Variants in GAB4 observed in about 807,000 individuals in gnomAD.
The protein encoded by GAB4 is GRB2 associated binding protein family member 4, also known as GRB2-associated-binding protein 4.
GAB4 carries 26 observed loss-of-function variants against 51.3 expected under a neutral mutation model. That is an observed-to-expected ratio of 0.51 (90% CI 0.37 to 0.70). The LOEUF (loss-of-function observed/expected upper bound fraction) is 0.70, where lower values mean the gene tolerates loss of function less well. Ranked by LOEUF, GAB4 falls within the 30% of genes least tolerant of loss-of-function variation. The pLI, the probability that GAB4 is intolerant of heterozygous loss-of-function variation, is 0.00. For missense variants in GAB4, 759 were observed against 734.6 expected (o/e 1.03, Z -0.38); for synonymous variants, 329 against 291.2 (o/e 1.13, Z -1.32).
chr22:16,977,096 G>C (rs1052993177), intron 3 of GAB4, among the ~76,000 whole-genome samples: 1 of 152,160 alleles, frequency 6.6e-6, no homozygotes, highest in African/African-American at 2.4e-5. Context: ...ATCAATGCTA[G>C]GAAGAAACTG....
Position 16,966,256 on chromosome 22 carries a change from C to G in GAB4, c.1132G>C (p.Asp378His), listed in dbSNP as rs768643254. ...TLPAVKQAGD[D>H]SQGVCIPVGS... ...ACAGGGATGCAGACACCCTGGGAAT[C>G]ATCGCCTGCTTGCTTCACAGCCGGC... The change falls in exon 6 of 10, where the codon GAT becomes CAT. Residue 378 changes from aspartate (D) to histidine (H), a missense_variant. This residue lies in a region of GAB4 where 588 missense variants were observed against 510.2 expected (regional missense o/e 1.15). Transcript: ENST00000400588. 9 of 1,613,902 alleles carry G rather than the reference C, an allele frequency of 5.6e-6. No individual in the cohort carries two copies. Among genetic ancestry groups the G allele is most frequent in the Non-Finnish European group, 7.6e-6 (9 of 1,180,032 alleles).
chr22:17,002,690 G>T (rs1242121026), intron 1 of GAB4, among the ~76,000 whole-genome samples: 14 of 152,126 alleles, frequency 9.2e-5, no homozygotes, highest in Non-Finnish European at 8.8e-5. Context: ...TGGGGGCGAG[G>T]GGGGAGGGAT....
intron 2 of GAB4, among the ~76,000 whole-genome samples, chr22:16,990,207 A>G (rs1293359004): frequency 1.3e-5 from 2 of 151,740 alleles, no homozygotes; most frequent in Non-Finnish European, 2.9e-5. Flanking sequence ...TTCTAAAACC[A>G]TATTTCTGTT....
chr22:16,974,147 C>G (rs376982650), intron 3 of GAB4, among the ~76,000 whole-genome samples: 1 of 152,210 alleles, frequency 6.6e-6, no homozygotes, highest in African/African-American at 2.4e-5. Context: ...TCTGAGGACT[C>G]CATTACTGCC....
intron 1 of GAB4, among the ~76,000 whole-genome samples, chr22:16,993,913 C>T (rs977797942): frequency 3.9e-5 from 6 of 152,186 alleles, no homozygotes; most frequent in African/African-American, 1.2e-4. Context: ...TGGACCTTGT[C>T]ACTGGGGAAC....
At chr22:16,965,646 T>A (rs572353103) in intron 6 of GAB4, among the ~76,000 whole-genome samples, 1 of 152,324 alleles carries the variant, frequency 6.6e-6, no homozygotes, top group South Asian at 2.1e-4. Flanking sequence ...CAGGGCTGTG[T>A]AGCCCACCAT....
chr22:16,986,132 C>G (rs2060865124), intron 3 of GAB4, among the ~76,000 whole-genome samples: 1 of 152,202 alleles, frequency 6.6e-6, no homozygotes, highest in African/African-American at 2.4e-5. Context: ...TCAGCTGTGT[C>G]ATGGGAGTAC....
chr22:16,996,364 AC>A (rs2060949118), intron 1 of GAB4, among the ~76,000 whole-genome samples: 1 of 152,150 alleles, frequency 6.6e-6, no homozygotes, highest in Non-Finnish European at 1.5e-5. Context: ...GGAGAATGGA[AC>A]CAAATTGGAA....
In GAB4 at chr22:16,966,283, G is replaced by T. The variant is rs146770232; in HGVS notation, c.1105C>A (p.Leu369Met). The T allele has an allele frequency of 1.2e-6, 2 of 1,613,914 alleles. No individual in the cohort carries two copies. Among genetic ancestry groups the T allele is most frequent in the Non-Finnish European group, 1.7e-6 (2 of 1,179,980 alleles). Residue 369 changes from leucine (L) to methionine (M), a missense_variant, in exon 6 of 10, where the codon CTG becomes ATG. By Grantham distance (15) the Leu-to-Met change is conservative. Around this residue, in one of 3 missense-constraint regions of GAB4, gnomAD observed 588 missense variants for 510.2 expected, o/e 1.15. Transcript: ENST00000400588. ...TCGCCTGCTTGCTTCACAGCCGGCA[G>T]GGTAGGGGAGCCTGGGTTCATGGGC... is the stretch of plus-strand genomic sequence containing the variant. ...CVPMNPGSPT[L>M]PAVKQAGDDS...
At chr22:16,972,249 C>T (rs754977289) in intron 3 of GAB4, among the ~76,000 whole-genome samples, 2 of 152,220 alleles carry the variant, frequency 1.3e-5, no homozygotes, top group Non-Finnish European at 1.5e-5. Flanking sequence ...GTGGGATGAG[C>T]ACACGGCTGC....
At chr22:16,977,826 A>G (rs1601261518) in intron 3 of GAB4, among the ~76,000 whole-genome samples, 3 of 152,210 alleles carry the variant, frequency 2.0e-5, no homozygotes, top group Admixed American at 2.0e-4. Flanking sequence ...CATAACAAAC[A>G]GTCTCTCAGA....
chr22:16,966,269 C>A lies in GAB4; in HGVS notation c.1119G>T (p.Lys373Asn). The A allele has an allele frequency of 1.2e-6, 2 of 1,613,936 alleles. No homozygotes were observed. Among genetic ancestry groups the A allele is most frequent in the Non-Finnish European group, 1.7e-6 (2 of 1,179,980 alleles). Residue 373 changes from lysine (K) to asparagine (N), a missense_variant, in exon 6 of 10, where the codon AAG becomes AAT. Coordinates refer to ENST00000400588, the MANE Select transcript of GAB4 (RefSeq NM_001037814.1). ...NPGSPTLPAV[K>N]QAGDDSQGVC... ...CACCCTGGGAATCATCGCCTGCTTG[C>A]TTCACAGCCGGCAGGGTAGGGGAGC...
At chr22:16,978,352 C>T (rs2060797844) in intron 3 of GAB4, among the ~76,000 whole-genome samples, 1 of 152,112 alleles carries the variant, frequency 6.6e-6, no homozygotes, top group Non-Finnish European at 1.5e-5. Context: ...AAGTGGATAT[C>T]ACCACCGACC....
intron 1 of GAB4, among the ~76,000 whole-genome samples, chr22:16,997,666 T>A (rs1163782346): frequency 6.6e-6 from 1 of 152,246 alleles, no homozygotes; most frequent in Non-Finnish European, 1.5e-5. Context: ...TTGGCTATTT[T>A]GGCTTTTGTT....
At chr22:16,963,060 G>A (rs2060641983) in intron 9 of GAB4, among the ~76,000 whole-genome samples, 184 bp from the exon 10 acceptor site, 1 of 152,166 alleles carries the variant, frequency 6.6e-6, no homozygotes, top group Non-Finnish European at 1.5e-5. Flanking sequence ...CCTCCTGCTG[G>A]ATGCCATAGC....
intron 4 of GAB4, 92 bp downstream of exon 4, chr22:16,969,851 G>C: frequency 5.5e-6 from 8 of 1,446,420 alleles, no homozygotes; most frequent in South Asian, 2.3e-5. Context: ...GGTGCACTGA[G>C]AGTGGGGTGG....
chr22:16,984,622 T>A lies in GAB4; in HGVS notation c.686+3338A>T, dbSNP rs181318600. Among the ~76,000 whole-genome samples the A allele has an allele frequency of 2.0e-5, 3 of 152,226 alleles. No individual in the cohort carries two copies. In the East Asian group the frequency reaches 5.8e-4, roughly 29 times the overall value. On this transcript the variant is annotated intron_variant, in intron 3 of 9. Coordinates refer to ENST00000400588, the MANE Select transcript of GAB4 (RefSeq NM_001037814.1). ...GCCATAATCCTTGGGAGAATGTTGA[T>A]GTTTTGGTTTCTGCAGGAAATCAAG...
intron 3 of GAB4, among the ~76,000 whole-genome samples, chr22:16,986,642 A>G (rs139653741): frequency 1.1e-4 from 16 of 152,340 alleles, no homozygotes; most frequent in Middle Eastern, 3.4e-3. Context: ...AGCCTGTGCC[A>G]TGCTTTCCAT....
chr22:16,969,797 C>G (rs565729205), intron 4 of GAB4, 146 bp downstream of exon 4: 44 of 1,021,480 alleles, frequency 4.3e-5, no homozygotes, highest in Admixed American at 2.7e-4. Flanking sequence ...TGGCCACCAC[C>G]ATGGCATAGA....
Sources: gnomAD v4.1 joint callset for allele counts (sites outside exome capture counted in the v4.1 genomes callset) on GRCh38, gnomAD v4.1.1 for gene constraint, gnomAD v4.1.1 regional missense constraint, MANE v1.5 for transcripts, NCBI Gene and HGNC (gene_info 2026-07-23, HGNC 2026-07-21) for gene names.